POFUT2: variants seen among roughly 807,000 people sequenced by gnomAD.
POFUT2 encodes GDP-fucose protein O-fucosyltransferase 2.
A neutral mutation model predicts 55.0 loss-of-function variants in POFUT2; 30 were observed. That is an observed-to-expected ratio of 0.55 (90% CI 0.41 to 0.74). The LOEUF is 0.74. POFUT2 is among the 30% of genes least tolerant of loss of function. The pLI is 0.00. For missense variants in POFUT2, 524 were observed against 562.6 expected (o/e 0.93, Z 0.69); for synonymous variants, 267 against 231.1 (o/e 1.16, Z -1.41).
At chr21:45,273,582 C>T (rs955099843) in intron 6 of POFUT2, among the ~76,000 whole-genome samples, 8 of 152,052 alleles carry the variant, frequency 5.3e-5, no homozygotes, top group East Asian at 1.9e-4. Flanking sequence ...ACTAGCTAAC[C>T]GAATCCAACA....
chr21:45,267,355 C>A lies in POFUT2; in HGVS notation c.1136+235G>T. On this transcript the variant is annotated intron_variant, in intron 8 of 8. Transcript: ENST00000349485. This position sits in a 1 kb window ranked among gnomAD's most constrained non-coding sequence, Gnocchi z 4.4. ...GAGACGAGGCCAGCTATGCCAACAG[C>A]CTGCTATGGAGGAATTCTGTGCATG... The A allele has an allele frequency of 6.5e-7, 1 of 1,549,340 alleles. No homozygotes were observed. Among genetic ancestry groups the A allele is most frequent in the Non-Finnish European group, 8.7e-7 (1 of 1,149,630 alleles).
chr21:45,268,895 G>A (rs1282501506), intron 7 of POFUT2, among the ~76,000 whole-genome samples: 13 of 107,174 alleles, frequency 1.2e-4, no homozygotes, highest in African/African-American at 4.5e-4. Flanking sequence ...CAGCCGCCCC[G>A]TCCGGGAGGG....
At chr21:45,278,603 G>A (rs138841264) in intron 4 of POFUT2, among the ~76,000 whole-genome samples, 1 of 152,192 alleles carries the variant, frequency 6.6e-6, no homozygotes, top group South Asian at 2.1e-4. Context: ...CTCAAAGCCG[G>A]AGCTGCATCT....
chr21:45,287,878 G>A lies in POFUT2; in HGVS notation c.-7C>T, dbSNP rs749440477. On this transcript the variant is annotated 5_prime_UTR_variant, in exon 1 of 9. Coordinates refer to ENST00000349485, the MANE Select transcript of POFUT2 (RefSeq NM_133635.6). ...CGAAGCTGAGTGTCGCCATGGCCCC[G>A]GGCGGCCACGCACTTCCGGCGGCCG... The A allele has an allele frequency of 2.2e-6, 3 of 1,334,756 alleles. No homozygotes were observed. Among genetic ancestry groups the A allele is most frequent in the South Asian group, 1.8e-5 (1 of 54,210 alleles). 82.7% of individuals were successfully genotyped at this position (1,334,756 alleles called of 1,614,324 possible). A position where few individuals can be genotyped will look rare whatever the true frequency, so the allele number is the denominator to read the frequency against.
At chr21:45,268,387 C>T (rs1461852617) in intron 7 of POFUT2, among the ~76,000 whole-genome samples, 2 of 152,032 alleles carry the variant, frequency 1.3e-5, no homozygotes, top group Non-Finnish European at 1.5e-5. Context: ...AAGATTGCAG[C>T]CTCTGCCCGG....
intron 6 of POFUT2, among the ~76,000 whole-genome samples, chr21:45,273,332 G>A (rs2093235274): frequency 6.6e-6 from 1 of 152,120 alleles, no homozygotes; most frequent in Non-Finnish European, 1.5e-5. Flanking sequence ...ATATAGACCA[G>A]GAAGAAATAT....
Position 45,267,285 on chromosome 21 carries a change from C to A in POFUT2, c.1136+305G>T. ...TCTCAGGGCAGGGGGCAGACAGGGG[C>A]AGAAACCGGGAATGATGGGAAAATG... On this transcript the variant is annotated intron_variant, in intron 8 of 8. Transcript: ENST00000349485. This position sits in a 1 kb window ranked among gnomAD's most constrained non-coding sequence, Gnocchi z 4.4. 6.9e-7 allele frequency: 1 copy of A among 1,448,296 alleles called. No homozygotes were observed. The highest frequency in any genetic ancestry group is 1.5e-5 in the South Asian group (1 of 67,872). 89.7% of individuals were successfully genotyped at this position (1,448,296 alleles called of 1,614,324 possible). A position where few individuals can be genotyped will look rare whatever the true frequency, so the allele number is the denominator to read the frequency against.
In POFUT2 at chr21:45,270,230, G is replaced by A. The variant is rs950706726; in HGVS notation, c.832-211C>T. On this transcript the variant is annotated intron_variant, in intron 6 of 8. Transcript: ENST00000349485. The surrounding 1 kb of genome is among the most constrained non-coding windows in gnomAD (Gnocchi z 4.6). Reference sequence around the variant, plus strand: ...GACAGTGAAGCAGTATTAATTACCAGAAATCATTTTATCTGAGGTAAAGAA... The same window carrying A: ...GACAGTGAAGCAGTATTAATTACCAAAAATCATTTTATCTGAGGTAAAGAA... 8 of 399,036 alleles carry A rather than the reference G, an allele frequency of 2.0e-5. No individual in the cohort carries two copies. The highest frequency in any genetic ancestry group is 1.8e-5 in the Non-Finnish European group (4 of 227,564). 24.7% of individuals were successfully genotyped at this position (399,036 alleles called of 1,614,324 possible).
In POFUT2 at chr21:45,277,724, C is replaced by A. The variant is rs2029962944; in HGVS notation, c.705+379G>T. 7.9e-6 allele frequency: 2 copies of A among 252,620 alleles called. No homozygotes were observed. The highest frequency in any genetic ancestry group is 1.4e-3 in the Middle Eastern group (1 of 718). The allele number at this position is 252,620 out of a possible 1,614,324, so 15.6% of individuals were successfully genotyped here. ...GAAGTCACCCCATCAATGCGGAAAT[C>A]AACGCCAACGGAAAAGACCCGCTGC... On this transcript the variant is annotated intron_variant, in intron 5 of 8. Transcript: ENST00000349485. The surrounding 1 kb of genome is among the most constrained non-coding windows in gnomAD (Gnocchi z 6.9).
At position 45,281,854 on chromosome 21, in the gene POFUT2, C is replaced by A. The variant is rs1246960665; in HGVS notation, c.638+495G>T. On this transcript the variant is annotated intron_variant, in intron 4 of 8. Coordinates refer to ENST00000349485, the MANE Select transcript of POFUT2 (RefSeq NM_133635.6). This position sits in a 1 kb window ranked among gnomAD's most constrained non-coding sequence, Gnocchi z 5.0. Reference sequence around the variant, plus strand: ...GGTACTGACTTGTCTGCAACCCCAGCCTCCTGGGTGGACCCTCGAGGCCCA... The same window carrying A: ...GGTACTGACTTGTCTGCAACCCCAGACTCCTGGGTGGACCCTCGAGGCCCA... 6.6e-6 allele frequency among the ~76,000 whole-genome samples: 1 copy of A among 152,122 alleles called. No individual in the cohort carries two copies. Among genetic ancestry groups the A allele is most frequent in the Non-Finnish European group, 1.5e-5 (1 of 68,020 alleles).
chr21:45,285,734 T>C lies in POFUT2; in HGVS notation c.326A>G (p.Asp109Gly), dbSNP rs954171303. 1.2e-6 allele frequency: 2 copies of C among 1,613,800 alleles called. No homozygotes were observed. The highest frequency in any genetic ancestry group is 1.7e-6 in the Non-Finnish European group (2 of 1,180,002). Residue 109 changes from aspartate to glycine, a missense_variant, in exon 2 of 9, where the codon GAT becomes GGT. By Grantham distance (94) the Asp-to-Gly change is moderately conservative (BLOSUM62 -1). This residue lies in a region of POFUT2 where 274 missense variants were observed against 244.4 expected (regional missense o/e 1.12). Coordinates refer to ENST00000349485, the MANE Select transcript of POFUT2 (RefSeq NM_133635.6). The surrounding 1 kb of genome is among the most constrained non-coding windows in gnomAD (Gnocchi z 4.9). Reference protein sequence around the residue: ...QVRIPWSEFFDLPSLNKNIPV... With the variant: ...QVRIPWSEFFGLPSLNKNIPV... ...GATGTTTTTATTGAGACTTGGAAGA[T>C]CAAAAAACTCAGACCAGGGAATCCG... is the stretch of plus-strand genomic sequence containing the variant.
At position 45,267,601 on chromosome 21, in the gene POFUT2, G is replaced by A. The variant is rs146504219; in HGVS notation, c.1125C>T (p.Cys375=). 2.1e-4 allele frequency: 334 copies of A among 1,614,190 alleles called. 1 individual carries two copies. The highest frequency in any genetic ancestry group is 1.3e-3 in the African/African-American group (98 of 75,066). ...ACGTGGGCAGGCACCTGGCGTGTGC[G>A]CAGATCCACTGGTCAATAATCGCAA... ...GGVAIIDQWI[C]AHARFFIGTS... Residue 375 remains cysteine, a synonymous_variant, in exon 8 of 9, where the codon TGC becomes TGT. Transcript: ENST00000349485. This position sits in a 1 kb window ranked among gnomAD's most constrained non-coding sequence, Gnocchi z 4.4.
chr21:45,286,163 G>A (rs529928981), intron 1 of POFUT2, among the ~76,000 whole-genome samples: 3 of 152,184 alleles, frequency 2.0e-5, no homozygotes, highest in African/African-American at 7.2e-5. Flanking sequence ...CAACACTAAG[G>A]CAGAGGAATC....
Position 45,277,849 on chromosome 21 carries a change from G to A in POFUT2, c.705+254C>T, listed in dbSNP as rs1351274782. 5 of 559,300 alleles carry A rather than the reference G, an allele frequency of 8.9e-6. No homozygotes were observed. The highest frequency in any genetic ancestry group is 6.2e-5 in the Admixed American group (2 of 32,052). The allele number at this position is 559,300 out of a possible 1,614,324, so 34.6% of individuals were successfully genotyped here. On this transcript the variant is annotated intron_variant, in intron 5 of 8. Coordinates refer to ENST00000349485, the MANE Select transcript of POFUT2 (RefSeq NM_133635.6). The surrounding 1 kb of genome is among the most constrained non-coding windows in gnomAD (Gnocchi z 6.9). ...CTGACTCCGGGGCTGACTCCAGGGC[G>A]CTGCCACCGCATTCAGGGCCTGTGG...
At chr21:45,283,311 G>GGT in intron 3 of POFUT2, 72 bp downstream of exon 3, 1 of 740,552 alleles carries the variant, frequency 1.4e-6, no homozygotes, top group Non-Finnish European at 1.9e-6. Context: ...CCTGAGGCGG[G>GGT]GGGGGGGGGA....
Position 45,265,364 on chromosome 21 carries a change from G to A in POFUT2, c.*118C>T. ...GGGCCTCTTCTGGGCCTGGGACCCTGCGAGGGACGGTCCTGTCCGCCCAGC... is the reference window on the plus strand; with the variant it reads ...GGGCCTCTTCTGGGCCTGGGACCCTACGAGGGACGGTCCTGTCCGCCCAGC... On this transcript the variant is annotated 3_prime_UTR_variant, in exon 9 of 9. Coordinates refer to ENST00000349485, the MANE Select transcript of POFUT2 (RefSeq NM_133635.6). This position sits in a 1 kb window ranked among gnomAD's most constrained non-coding sequence, Gnocchi z 4.6. 1 of 914,532 alleles carries A rather than the reference G, an allele frequency of 1.1e-6. No homozygotes were observed. The highest frequency in any genetic ancestry group is 1.7e-6 in the Non-Finnish European group (1 of 605,062). The allele number at this position is 914,532 out of a possible 1,614,324, so 56.7% of individuals were successfully genotyped here. A position where few individuals can be genotyped will look rare whatever the true frequency, so the allele number is the denominator to read the frequency against.
At chr21:45,276,874 G>A in intron 6 of POFUT2, 143 bp downstream of exon 6, 1 of 872,912 alleles carries the variant, frequency 1.1e-6, no homozygotes. Flanking sequence ...TCATTACTGT[G>A]ACTCACATTC....
At chr21:45,276,897 G>A (rs538351924) in intron 6 of POFUT2, 120 bp downstream of exon 6, 31 of 1,100,022 alleles carry the variant, frequency 2.8e-5, no homozygotes, top group Middle Eastern at 2.4e-4. Flanking sequence ...GAGAGGCGCC[G>A]AGGCATCCAC....
intron 4 of POFUT2, among the ~76,000 whole-genome samples, chr21:45,279,065 A>G (rs2030205039): frequency 6.6e-6 from 1 of 152,220 alleles, no homozygotes; most frequent in Non-Finnish European, 1.5e-5. Context: ...AGGCTGGAAT[A>G]CAAAAACGCA....
Sources: allele counts gnomAD v4.1 joint callset (sites outside exome capture counted in the v4.1 genomes callset), GRCh38; gene constraint gnomAD v4.1.1; regional missense constraint gnomAD v4.1.1; non-coding constraint Gnocchi (gnomAD v3.1); transcripts MANE v1.5; gene names NCBI Gene and HGNC (gene_info 2026-07-23, HGNC 2026-07-21).